Variants in SPAG17 observed in about 807,000 individuals in gnomAD.
SPAG17 encodes the protein sperm-associated antigen 17.
SPAG17 carries 169 observed loss-of-function variants against 273.6 expected under a neutral mutation model. The observed-to-expected ratio is 0.62, with a 90% confidence interval of 0.55 to 0.70. The LOEUF (loss-of-function observed/expected upper bound fraction) is 0.70. SPAG17 is among the 30% of genes least tolerant of loss of function. SPAG17 has a pLI of 0.00. For synonymous variants in SPAG17, 825 were observed against 873.2 expected (o/e 0.94, Z 0.97); for missense variants, 2,557 against 2,627.8 (o/e 0.97, Z 0.59).
In SPAG17 at chr1:118,039,349, C is replaced by G. The variant is rs1410498272; in HGVS notation, c.3262G>C (p.Gly1088Arg). 6.2e-7 allele frequency: 1 copy of G among 1,613,486 alleles called. No homozygotes were observed. The highest frequency in any genetic ancestry group is 1.1e-5 in the South Asian group (1 of 91,052). The change falls in exon 23 of 49, where the codon GGG (glycine) becomes CGG (arginine). Residue 1088 changes from glycine to arginine, a missense_variant. Gly to Arg is a moderately radical substitution (Grantham distance 125, BLOSUM62 -2). Transcript: ENST00000336338. Reference sequence around the variant, plus strand: ...TCTTCCTCTTCTAAATAATAATCCCCTTTCTCTTCCTTTTTCACAATTTCC... The same window carrying G: ...TCTTCCTCTTCTAAATAATAATCCCGTTTCTCTTCCTTTTTCACAATTTCC... ...PKEIVKKEEK[G>R]DYYLEEEEEG...
intron 48 of SPAG17, 26 bp from the exon 49 acceptor site, chr1:117,954,075 C>T (rs1651800770): frequency 6.2e-7 from 1 of 1,611,740 alleles, no homozygotes; most frequent in Admixed American, 1.7e-5. Flanking sequence ...AACACAAAGC[C>T]ATTTGTAAAG....
At position 118,099,781 on chromosome 1, in the gene SPAG17, A is replaced by G. The variant is rs765785615; in HGVS notation, c.654T>C (p.Gly218=). The change falls in exon 6 of 49, where the codon GGT becomes GGC. Residue 218 remains glycine, a synonymous_variant. Transcript: ENST00000336338. ...CCACAACTATAATGTAATGTTGGGCACCATCATCTGGCTCATCGTCTGTTC... is the reference window on the plus strand; with the variant it reads ...CCACAACTATAATGTAATGTTGGGCGCCATCATCTGGCTCATCGTCTGTTC... ...NRYIDDEPDD[G]AQHYIIVVGF... is the part of the protein sequence containing the mutation. 6.2e-7 allele frequency: 1 copy of G among 1,612,556 alleles called. No homozygotes were observed. Among genetic ancestry groups the G allele is most frequent in the Non-Finnish European group, 8.5e-7 (1 of 1,179,820 alleles).
rs767477921 is a variant in SPAG17, at chr1:118,150,518, A to T, written c.315+25T>A. The T allele has an allele frequency of 1.4e-5, 18 of 1,302,162 alleles. No individual in the cohort carries two copies. The African/African-American group carries it at 2.4e-4, about 17-fold the overall frequency. 80.7% of individuals were successfully genotyped at this position (1,302,162 alleles called of 1,614,324 possible). A position where few individuals can be genotyped will look rare whatever the true frequency, so the allele number is the denominator to read the frequency against. On this transcript the variant is annotated intron_variant, in intron 3 of 48. Transcript: ENST00000336338. The stretch of plus-strand genomic sequence containing the variant: ...TTCTTTTTTCTAAAAACACAAAAAT[A>T]TCTTCTATAAACACTTTCACTTACC...
intron 3 of SPAG17, among the ~76,000 whole-genome samples, chr1:118,122,215 T>A (rs1657464416): frequency 6.6e-6 from 1 of 152,070 alleles, no homozygotes; most frequent in Admixed American, 6.6e-5. Flanking sequence ...AAAGGCTGTT[T>A]AGATGGGCCC....
At position 118,025,269 on chromosome 1, in the gene SPAG17, A is replaced by G; in HGVS notation, c.3878T>C (p.Val1293Ala). Residue 1293 changes from valine (V) to alanine (A), a missense_variant, in exon 27 of 49, where the codon GTT (valine) becomes GCT (alanine). Transcript: ENST00000336338. ...ASRVITSQGTVVKYMLDGSTQ... is the reference protein window; with the variant it reads ...ASRVITSQGTAVKYMLDGSTQ... Reference sequence around the variant, plus strand: ...GGATCCATCCAACATATATTTGACAACAGTGCCTTGACTGGTGATAACCCT... The same window carrying G: ...GGATCCATCCAACATATATTTGACAGCAGTGCCTTGACTGGTGATAACCCT... 1 of 1,613,674 alleles carries G rather than the reference A, an allele frequency of 6.2e-7. No homozygotes were observed. The highest frequency in any genetic ancestry group is 1.3e-5 in the African/African-American group (1 of 74,996).
intron 29 of SPAG17, among the ~76,000 whole-genome samples, chr1:118,014,151 G>A (rs1017224206): frequency 6.6e-6 from 1 of 152,208 alleles, no homozygotes; most frequent in Non-Finnish European, 1.5e-5. Flanking sequence ...CTGTAGCTTA[G>A]TTGCCTCATC....
chr1:118,065,901 C>G (rs1652912835), intron 18 of SPAG17, among the ~76,000 whole-genome samples: 1 of 151,874 alleles, frequency 6.6e-6, no homozygotes, highest in Non-Finnish European at 1.5e-5. Flanking sequence ...GATTTCTCCT[C>G]AAAATTAAAT....
intron 1 of SPAG17, among the ~76,000 whole-genome samples, chr1:118,176,125 C>T (rs1660685692): frequency 6.6e-6 from 1 of 151,914 alleles, no homozygotes. Flanking sequence ...TAAAAAGAAA[C>T]AAATTAAAAT....
At chr1:118,149,720 C>CT (rs1356507162) in intron 3 of SPAG17, among the ~76,000 whole-genome samples, 1 of 152,150 alleles carries the variant, frequency 6.6e-6, no homozygotes, top group East Asian at 1.9e-4. Context: ...CACATAAAAA[C>CT]TTTATTAGTC....
rs144510798 is a variant in SPAG17, at chr1:118,029,801, T to C, written c.3610-1407A>G. 3.9e-3 allele frequency among the ~76,000 whole-genome samples: 596 copies of C among 152,318 alleles called. 3 individuals carry two copies. The highest frequency in any genetic ancestry group is 0.014 in the African/African-American group (571 of 41,570). ...GTACCCAATTTGTGGATATTTGTTT[T>C]TTTCTAACTAGTCGTCTATTGTTGA... is the stretch of plus-strand genomic sequence containing the variant. On this transcript the variant is annotated intron_variant, in intron 25 of 48. Coordinates refer to ENST00000336338, the MANE Select transcript of SPAG17 (RefSeq NM_206996.4).
intron 38 of SPAG17, 103 bp downstream of exon 38, chr1:117,990,758 A>G (rs1232365834): frequency 8.5e-6 from 6 of 708,998 alleles, no homozygotes; most frequent in Admixed American, 5.2e-5. Context: ...AGATATGTAC[A>G]TGGTGTCTTG....
chr1:118,027,549 T>C (rs929437041), intron 26 of SPAG17, among the ~76,000 whole-genome samples: 1 of 152,130 alleles, frequency 6.6e-6, no homozygotes, highest in African/African-American at 2.4e-5. Flanking sequence ...GGACACATCA[T>C]TCGTTGGTGT....
intron 36 of SPAG17, 71 bp from the exon 37 acceptor site, chr1:117,991,599 CA>C (rs1194462210): frequency 1.6e-5 from 15 of 919,854 alleles, no homozygotes; most frequent in Non-Finnish European, 2.5e-5. Context: ...AAATGGTCAT[CA>C]ACTTGAAATA....
chr1:118,119,618 C>A (rs1291799421), intron 3 of SPAG17, among the ~76,000 whole-genome samples: 1 of 152,118 alleles, frequency 6.6e-6, no homozygotes, highest in Non-Finnish European at 1.5e-5. Flanking sequence ...CTTAGGATTG[C>A]TTTGGATATA....
At position 118,081,112 on chromosome 1, in the gene SPAG17, T is replaced by G. The variant is rs1237372565; in HGVS notation, c.2198A>C (p.His733Pro). 3.1e-6 allele frequency: 5 copies of G among 1,609,764 alleles called. No individual in the cohort carries two copies. The highest frequency in any genetic ancestry group is 4.3e-6 in the Non-Finnish European group (5 of 1,176,344). ...QESIMKAQPQ[H>P]ESLEQTTNNE... ...ACACTTTAACTTACCCAGAGACTCA[T>G]GTTGGGGCTGAGCCTTCATGATGCT... The change falls in exon 15 of 49, where the codon CAT becomes CCT. Residue 733 changes from histidine (H) to proline (P), a missense_variant. By Grantham distance (77) the His-to-Pro change is moderately conservative. Transcript: ENST00000336338.
intron 1 of SPAG17, among the ~76,000 whole-genome samples, chr1:118,180,485 A>G (rs555163491): frequency 1.6e-4 from 24 of 152,096 alleles, no homozygotes; most frequent in Non-Finnish European, 2.8e-4. Flanking sequence ...GGGTACAAAT[A>G]TAGAGTTTGA....
At chr1:118,173,866 A>AT (rs1177700092) in intron 1 of SPAG17, among the ~76,000 whole-genome samples, 1 of 151,328 alleles carries the variant, frequency 6.6e-6, no homozygotes, top group African/African-American at 2.4e-5. Context: ...TCTAAAAAAA[A>AT]AAAAAAAAAA....
chr1:118,112,368 T>A (rs371214223), intron 4 of SPAG17, among the ~76,000 whole-genome samples: 1 of 152,100 alleles, frequency 6.6e-6, no homozygotes, highest in East Asian at 1.9e-4. Context: ...ATTTGTTCAG[T>A]ACATTGCTTT....
chr1:118,068,443 A>G (rs1553244075), intron 17 of SPAG17, among the ~76,000 whole-genome samples: 1 of 151,908 alleles, frequency 6.6e-6, no homozygotes, highest in African/African-American at 2.4e-5. Flanking sequence ...CCAGAAAACC[A>G]TTGCGTTTAT....
Sources: allele counts gnomAD v4.1 joint callset (sites outside exome capture counted in the v4.1 genomes callset), GRCh38; gene constraint gnomAD v4.1.1; transcripts MANE v1.5; gene names NCBI Gene and HGNC (gene_info 2026-07-23, HGNC 2026-07-21).